The following MTPAP variants were observed in gnomAD, a reference collection of about 807,000 sequenced individuals.
MTPAP encodes mitochondrial poly(A) polymerase.
MTPAP carries 23 observed loss-of-function variants against 48.7 expected under a neutral mutation model. The ratio of observed to expected loss-of-function variants is 0.47; its 90% CI spans 0.34 to 0.67. The LOEUF is 0.67. Among genes scored for constraint, MTPAP ranks in the 30% least tolerant of loss-of-function variants. MTPAP has a pLI of 0.01. For missense variants in MTPAP, 614 were observed against 694.3 expected, an observed-to-expected ratio of 0.88 and a Z score of 1.30; for synonymous variants, 257 against 254.1, an observed-to-expected ratio of 1.01 and a Z score of -0.11.
intron 6 of MTPAP, among the ~76,000 whole-genome samples, chr10:30,320,583 T>C (rs535153736): frequency 6.6e-6 from 1 of 152,190 alleles, no homozygotes; most frequent in African/African-American, 2.4e-5. Context: ...AAAAAGATAA[T>C]AGAAAGTTAC....
At chr10:30,337,449 A>T (rs1834742882) in intron 3 of MTPAP, among the ~76,000 whole-genome samples, 1 of 152,052 alleles carries the variant, frequency 6.6e-6, no homozygotes, top group African/African-American at 2.4e-5. Context: ...TTTAAAAACC[A>T]CTGAGAAGGC....
At position 30,310,697 on chromosome 10, in the gene MTPAP, C is replaced by G. The variant is rs1210852015; in HGVS notation, c.*2912G>C. ...GGTAGATCACTTGAGGTCAGGAATT[C>G]AAGACCAGCCTGGCCAACATGGTGA... On this transcript the variant is annotated 3_prime_UTR_variant, in exon 9 of 9. Transcript: ENST00000263063. 6.6e-6 allele frequency: 1 copy of G among 151,438 alleles called. No individual in the cohort carries two copies. Among genetic ancestry groups the G allele is most frequent in the Non-Finnish European group, 1.5e-5 (1 of 67,996 alleles). The allele number at this position is 151,438 out of a possible 1,614,324, so 9.4% of individuals were successfully genotyped here.
chr10:30,341,921 T>G (rs939522276), intron 1 of MTPAP, among the ~76,000 whole-genome samples: 3 of 152,146 alleles, frequency 2.0e-5, no homozygotes, highest in African/African-American at 7.2e-5. Flanking sequence ...AAGGCTTAAT[T>G]TATAAATTAG....
Position 30,311,209 on chromosome 10 carries a change from A to C in MTPAP, c.*2400T>G, listed in dbSNP as rs1202588400. 1.3e-5 allele frequency: 2 copies of C among 152,236 alleles called. No homozygotes were observed. The highest frequency in any genetic ancestry group is 2.9e-5 in the Non-Finnish European group (2 of 68,048). 9.4% of individuals were successfully genotyped at this position (152,236 alleles called of 1,614,324 possible). On this transcript the variant is annotated 3_prime_UTR_variant, in exon 9 of 9. Coordinates refer to ENST00000263063, the MANE Select transcript of MTPAP (RefSeq NM_018109.4). ...GATTTCTAGCCCAACAAAATAAAGA[A>C]CAAATGAAAAATGGCTTTTAAAGAC...
chr10:30,314,808 G>A (rs1294382043), intron 8 of MTPAP, among the ~76,000 whole-genome samples: 1 of 148,358 alleles, frequency 6.7e-6, no homozygotes, highest in African/African-American at 2.5e-5. Context: ...GGAGGCGGAG[G>A]CTGCAGTGAG....
At chr10:30,327,436 T>C (rs968552325) in intron 4 of MTPAP, among the ~76,000 whole-genome samples, 3 of 150,924 alleles carry the variant, frequency 2.0e-5, no homozygotes, top group Non-Finnish European at 2.9e-5. Flanking sequence ...GAGATGGAGG[T>C]TGCAGTGAGC....
chr10:30,311,469 G>A lies in MTPAP; in HGVS notation c.*2140C>T, dbSNP rs1243943986. The A allele has an allele frequency of 5.9e-5, 9 of 152,056 alleles. No individual in the cohort carries two copies. In the East Asian group the frequency reaches 9.6e-4, roughly 16 times the overall value. The allele number at this position is 152,056 out of a possible 1,614,324, so 9.4% of individuals were successfully genotyped here. ...AAGGTAATTACATACCACAAACACCGAAAGGCAACAGTTAAAGAGAAGTAA... is the reference window on the plus strand; with the variant it reads ...AAGGTAATTACATACCACAAACACCAAAAGGCAACAGTTAAAGAGAAGTAA... On this transcript the variant is annotated 3_prime_UTR_variant, in exon 9 of 9. Transcript: ENST00000263063.
chr10:30,327,889 A>T (rs192321672), intron 4 of MTPAP, among the ~76,000 whole-genome samples: 26 of 152,196 alleles, frequency 1.7e-4, no homozygotes, highest in Non-Finnish European at 3.5e-4. Flanking sequence ...TGGATCAAAG[A>T]CTAAAATGTA....
In MTPAP at chr10:30,336,727, T is replaced by C. The variant is rs762781896; in HGVS notation, c.780+76A>G. 1,318 of 1,150,094 alleles carry C rather than the reference T, an allele frequency of 1.1e-3. 19 individuals carry two copies. The highest frequency in any genetic ancestry group is 2.4e-4 in the Admixed American group (14 of 58,226). 71.2% of individuals were successfully genotyped at this position (1,150,094 alleles called of 1,614,324 possible). ...AGTTTAGAAATCAACAGTTCTATTT[T>C]ATTAAGTTCAAAGATTTTTCTTTTT... On this transcript the variant is annotated intron_variant, in intron 4 of 8. Transcript: ENST00000263063.
chr10:30,338,538 G>A lies in MTPAP; in HGVS notation c.556-1511C>T, dbSNP rs559782447. On this transcript the variant is annotated intron_variant, in intron 3 of 8. Coordinates refer to ENST00000263063, the MANE Select transcript of MTPAP (RefSeq NM_018109.4). ...AAAATACAAAAAATTAGCCAGGTGT[G>A]ATGGCGCGTGCCTGTAATCCCTGCT... 5.9e-5 allele frequency among the ~76,000 whole-genome samples: 9 copies of A among 152,206 alleles called. No homozygotes were observed. The South Asian group carries it at 1.9e-3, about 32-fold the overall frequency.
chr10:30,329,946 G>T (rs1037372305), intron 4 of MTPAP, among the ~76,000 whole-genome samples: 3 of 150,350 alleles, frequency 2.0e-5, no homozygotes, highest in African/African-American at 7.4e-5. Flanking sequence ...TATCGGTAAA[G>T]ATTATGTTCT....
intron 3 of MTPAP, among the ~76,000 whole-genome samples, chr10:30,338,199 A>C (rs774482601): frequency 1.3e-5 from 2 of 152,114 alleles, no homozygotes; most frequent in Non-Finnish European, 2.9e-5. Context: ...GTATGCAGCT[A>C]CAGTGAGCTG....
chr10:30,328,097 G>A (rs546765481), intron 4 of MTPAP, among the ~76,000 whole-genome samples: 4 of 152,128 alleles, frequency 2.6e-5, no homozygotes, highest in South Asian at 2.1e-4. Flanking sequence ...TCATACAAAC[G>A]GGTAATTTAC....
Position 30,336,825 on chromosome 10 carries a change from G to C in MTPAP, c.758C>G (p.Thr253Ser). Residue 253 changes from threonine (T) to serine (S), a missense_variant, in exon 4 of 9, where the codon ACC becomes AGC. By Grantham distance (58) the Thr-to-Ser change is moderately conservative (BLOSUM62 1). Transcript: ENST00000263063. ...DLDMFLDLDE[T>S]RNLSAHKISG... ...TACCTTGTGAGCGCTGAGGTTTCTG[G>C]TTTCATCTAGATCCAAAAACATGTC... 6.2e-7 allele frequency: 1 copy of C among 1,611,018 alleles called. No homozygotes were observed. The highest frequency in any genetic ancestry group is 8.5e-7 in the Non-Finnish European group (1 of 1,178,834).
Position 30,310,783 on chromosome 10 carries a change from CAGTTACTTGGG to C in MTPAP, c.*2815_*2825del, listed in dbSNP as rs1840582785. The C allele has an allele frequency of 6.6e-6, 1 of 151,738 alleles. No homozygotes were observed. Among genetic ancestry groups the C allele is most frequent in the African/African-American group, 2.4e-5 (1 of 41,252 alleles). 9.4% of individuals were successfully genotyped at this position (151,738 alleles called of 1,614,324 possible). A position where few individuals can be genotyped will look rare whatever the true frequency, so the allele number is the denominator to read the frequency against. ...GCATGGTGGCAGGCGCCTGTAATCCCAGTTACTTGGGAGGCTGGGGCAGGAGTATCGCTTGA... is the reference window on the plus strand; with the variant it reads ...GCATGGTGGCAGGCGCCTGTAATCCCAGGCTGGGGCAGGAGTATCGCTTGA... On this transcript the variant is annotated 3_prime_UTR_variant, in exon 9 of 9. Transcript: ENST00000263063.
chr10:30,328,159 C>CA (rs1163147396), intron 4 of MTPAP, among the ~76,000 whole-genome samples: 2 of 151,652 alleles, frequency 1.3e-5, no homozygotes, highest in African/African-American at 4.8e-5. Context: ...TAAAAATGGG[C>CA]AAAAAAGACA....
In MTPAP at chr10:30,311,992, C is replaced by G. The variant is rs1840598708; in HGVS notation, c.*1617G>C. On this transcript the variant is annotated 3_prime_UTR_variant, in exon 9 of 9. Transcript: ENST00000263063. ...TGAAACCCTGTCCCTACTAAAACTA[C>G]AAAAATTAGCTGGGCTTGGTGGTGG... The G allele has an allele frequency of 6.6e-6, 1 of 152,188 alleles. No homozygotes were observed. Among genetic ancestry groups the G allele is most frequent in the Non-Finnish European group, 1.5e-5 (1 of 68,090 alleles). The allele number at this position is 152,188 out of a possible 1,614,324, so 9.4% of individuals were successfully genotyped here. A position where few individuals can be genotyped will look rare whatever the true frequency, so the allele number is the denominator to read the frequency against.
At chr10:30,326,325 G>C in intron 5 of MTPAP, 99 bp downstream of exon 5, 1 of 1,087,110 alleles carries the variant, frequency 9.2e-7, no homozygotes, top group Middle Eastern at 3.0e-4. Context: ...TATTATTCAA[G>C]CATGTTTAAG....
intron 4 of MTPAP, among the ~76,000 whole-genome samples, chr10:30,330,373 G>A (rs2132857599): frequency 6.6e-6 from 1 of 152,268 alleles, no homozygotes; most frequent in East Asian, 1.9e-4. Context: ...CAGATTGGGG[G>A]TCTATCTCAG....
Sources: gnomAD v4.1 joint callset for allele counts (sites outside exome capture counted in the v4.1 genomes callset) on GRCh38, gnomAD v4.1.1 for gene constraint, MANE v1.5 for transcripts, NCBI Gene and HGNC (gene_info 2026-07-23, HGNC 2026-07-21) for gene names.